Variants in ZNF385B observed in about 807,000 individuals in gnomAD.
ZNF385B encodes the protein zinc finger protein 385B, also known as zinc finger protein 533.
ZNF385B carries 23 observed loss-of-function variants against 39.2 expected under a neutral mutation model. That is an observed-to-expected ratio of 0.59 (90% CI 0.42 to 0.83). ZNF385B has a LOEUF of 0.83. Among genes scored for constraint, ZNF385B ranks in the 40% least tolerant of loss-of-function variants. The probability of loss-of-function intolerance (pLI) is 0.00; values close to 1 mark genes in which losing one functional copy is unlikely to be tolerated. For missense variants in ZNF385B, 552 were observed against 598.9 expected (o/e 0.92, Z 0.82); for synonymous variants, 205 against 222.6 (o/e 0.92, Z 0.70).
intron 5 of ZNF385B, among the ~76,000 whole-genome samples, chr2:179,493,780 TACAC>T (rs923959963): frequency 3.0e-5 from 3 of 99,072 alleles, no homozygotes; most frequent in South Asian, 3.4e-4. Flanking sequence ...TATATGTATA[TACAC>T]ATATGTATAC....
intron 3 of ZNF385B, among the ~76,000 whole-genome samples, chr2:179,753,681 T>C (rs1702826989): frequency 6.6e-6 from 1 of 152,198 alleles, no homozygotes; most frequent in Non-Finnish European, 1.5e-5. Flanking sequence ...CCTAGGAATT[T>C]TATTTTCTTT....
chr2:179,692,791 TCTTC>T (rs1282425917), intron 3 of ZNF385B, among the ~76,000 whole-genome samples: 1 of 152,182 alleles, frequency 6.6e-6, no homozygotes, highest in Non-Finnish European at 1.5e-5. Context: ...GACTCATCAC[TCTTC>T]CATGGTTAGT....
chr2:179,480,760 C>T (rs939475501), intron 6 of ZNF385B: 4 of 150,204 alleles, frequency 2.7e-5, no homozygotes, highest in African/African-American at 9.8e-5. Flanking sequence ...TATAATAGAA[C>T]AAATACAATA....
At chr2:179,529,198 A>C (rs192248439) in intron 4 of ZNF385B, among the ~76,000 whole-genome samples, 9 of 152,328 alleles carry the variant, frequency 5.9e-5, no homozygotes, top group Non-Finnish European at 1.0e-4. Flanking sequence ...GTGATTTATT[A>C]AAGAAGCCCA....
At chr2:179,819,865 T>C (rs1376742318) in intron 1 of ZNF385B, among the ~76,000 whole-genome samples, 2 of 152,220 alleles carry the variant, frequency 1.3e-5, no homozygotes, top group Admixed American at 6.5e-5. Context: ...TAGTATACGA[T>C]TGTATTATAC....
intron 1 of ZNF385B, among the ~76,000 whole-genome samples, chr2:179,838,894 C>G (rs1708393968): frequency 7.0e-6 from 1 of 142,774 alleles, no homozygotes; most frequent in South Asian, 2.2e-4. Flanking sequence ...TAAACTAGAG[C>G]TAAATATGAG....
intron 6 of ZNF385B, among the ~76,000 whole-genome samples, chr2:179,466,103 A>G (rs1214770854): frequency 1.3e-5 from 2 of 152,228 alleles, no homozygotes; most frequent in Non-Finnish European, 2.9e-5. Flanking sequence ...TATGTAAATT[A>G]CGCATATCAT....
chr2:179,664,643 C>T (rs916758044), intron 3 of ZNF385B, among the ~76,000 whole-genome samples: 2 of 152,198 alleles, frequency 1.3e-5, no homozygotes, highest in South Asian at 4.1e-4. Flanking sequence ...CAGCAGAAGA[C>T]TGGATGTGTC....
intron 3 of ZNF385B, among the ~76,000 whole-genome samples, chr2:179,670,135 C>T (rs1695730994): frequency 6.6e-6 from 1 of 151,374 alleles, no homozygotes; most frequent in Admixed American, 6.6e-5. Context: ...ACTAAAAATA[C>T]AAAAAAATTA....
intron 3 of ZNF385B, among the ~76,000 whole-genome samples, chr2:179,743,545 T>A (rs759545149): frequency 2.5e-4 from 38 of 152,048 alleles, no homozygotes; most frequent in African/African-American, 8.5e-4. Context: ...AAAAGTATAA[T>A]AGCAACATCC....
chr2:179,819,034 TACACACACACAC>T lies in ZNF385B; in HGVS notation c.-155+42055_-155+42066del, dbSNP rs10556902. 5.6e-3 allele frequency among the ~76,000 whole-genome samples: 833 copies of T among 148,072 alleles called. 6 individuals are homozygous for T. Among genetic ancestry groups the T allele is most frequent in the African/African-American group, 0.017 (679 of 40,080 alleles). ...GTATAAATATGTGCATGTTTATAAA[TACACACACACAC>T]ACACACACACACACACACACACACA... On this transcript the variant is annotated intron_variant, in intron 1 of 9. Coordinates refer to ENST00000410066, the MANE Select transcript of ZNF385B (RefSeq NM_152520.6).
rs972600409 is a variant in ZNF385B at position 179,555,925 on chromosome 2, A to G, written c.299-10956T>C. 1.0e-4 allele frequency among the ~76,000 whole-genome samples: 15 copies of G among 149,568 alleles called. 2 individuals are homozygous for G. The highest frequency in any genetic ancestry group is 3.5e-4 in the African/African-American group (14 of 39,662). ...GCCTGGCAGAATGTTACATTTAAAAATAAATCCTTTTGAGCACTGCACTGA... is the reference window on the plus strand; with the variant it reads ...GCCTGGCAGAATGTTACATTTAAAAGTAAATCCTTTTGAGCACTGCACTGA... On this transcript the variant is annotated intron_variant, in intron 3 of 9. Transcript: ENST00000410066.
chr2:179,598,122 G>T (rs774916470), intron 3 of ZNF385B, among the ~76,000 whole-genome samples: 2 of 152,118 alleles, frequency 1.3e-5, no homozygotes, highest in Non-Finnish European at 2.9e-5. Flanking sequence ...CATACTCAAT[G>T]AATACAAAGT....
chr2:179,533,915 T>C (rs887241833), intron 4 of ZNF385B, among the ~76,000 whole-genome samples: 5 of 152,192 alleles, frequency 3.3e-5, no homozygotes. Context: ...CAAAATGGCA[T>C]GTAGCCTTTG....
At chr2:179,656,106 G>A (rs1460766914) in intron 3 of ZNF385B, among the ~76,000 whole-genome samples, 1 of 152,080 alleles carries the variant, frequency 6.6e-6, no homozygotes, top group Non-Finnish European at 1.5e-5. Context: ...CTTAGAGGGA[G>A]TTCTGCCCTT....
Position 179,589,123 on chromosome 2 carries a change from C to T in ZNF385B, c.299-44154G>A, listed in dbSNP as rs190593081. Among the ~76,000 whole-genome samples the T allele has an allele frequency of 3.8e-4, 58 of 152,254 alleles. 1 individual carries two copies. The highest frequency in any genetic ancestry group is 4.1e-4 in the South Asian group (2 of 4,822). ...AAAGAAGCATTAAATAATAATCATA[C>T]CCAAGCACCTTGGGAAGAATTAAGG... On this transcript the variant is annotated intron_variant, in intron 3 of 9. Transcript: ENST00000410066.
At chr2:179,694,960 G>C (rs1292291097) in intron 3 of ZNF385B, among the ~76,000 whole-genome samples, 2 of 31,062 alleles carry the variant, frequency 6.4e-5, no homozygotes, top group African/African-American at 2.7e-4. Flanking sequence ...GAAAGAAGAG[G>C]AGGAGGAGGA....
intron 1 of ZNF385B, among the ~76,000 whole-genome samples, chr2:179,798,127 T>G (rs1705792420): frequency 6.6e-6 from 1 of 152,094 alleles, no homozygotes; most frequent in African/African-American, 2.4e-5. Context: ...ATATCTCATG[T>G]GTTTCGATCT....
chr2:179,554,998 A>G (rs1233347470), intron 3 of ZNF385B, among the ~76,000 whole-genome samples: 3 of 149,586 alleles, frequency 2.0e-5, no homozygotes, highest in African/African-American at 5.0e-5. Flanking sequence ...ACTTCTAGGT[A>G]TATAACTAAC....
Sources: allele counts gnomAD v4.1 joint callset (sites outside exome capture counted in the v4.1 genomes callset), GRCh38; gene constraint gnomAD v4.1.1; transcripts MANE v1.5; gene names NCBI Gene and HGNC (gene_info 2026-07-23, HGNC 2026-07-21).